The following SHC3 variants were observed in gnomAD, a reference collection of about 807,000 sequenced individuals.
The protein encoded by SHC3 is SHC-transforming protein 3.
In SHC3, 15 loss-of-function variants were observed where a neutral mutation model predicts 60.4. The ratio of observed to expected loss-of-function variants is 0.25; its 90% CI spans 0.17 to 0.38. The LOEUF is 0.38. SHC3 is among the 10% of genes least tolerant of loss of function. SHC3 has a pLI of 1.00. For missense variants in SHC3, 677 were observed against 786.1 expected, an observed-to-expected ratio of 0.86 and a Z score of 1.66; for synonymous variants, 294 against 325.9, an observed-to-expected ratio of 0.90 and a Z score of 1.05.
chr9:89,037,327 G>A (rs759989919), intron 11 of SHC3: 49 of 593,968 alleles, frequency 8.2e-5, no homozygotes, highest in Non-Finnish European at 1.3e-4. Context: ...TGGATAAAAG[G>A]TTTTAAACAA....
At chr9:89,109,694 G>C (rs1825918168) in intron 2 of SHC3, 5 of 985,364 alleles carry the variant, frequency 5.1e-6, no homozygotes, top group Admixed American at 6.1e-5. Flanking sequence ...CCACCCCCAT[G>C]CACTCCAGGT....
intron 5 of SHC3, among the ~76,000 whole-genome samples, chr9:89,069,704 C>T (rs969885672): frequency 3.9e-5 from 6 of 152,250 alleles, no homozygotes; most frequent in Admixed American, 3.3e-4. Context: ...CACGGCAGCT[C>T]GTGCTGGCCC....
At chr9:89,109,075 C>T (rs1444605107) in intron 2 of SHC3, 1 of 985,422 alleles carries the variant, frequency 1.0e-6, no homozygotes, top group Non-Finnish European at 1.2e-6. Flanking sequence ...TGTCCATCTT[C>T]CACTCCACAC....
chr9:89,154,699 G>A (rs1348900817), intron 1 of SHC3, among the ~76,000 whole-genome samples: 5 of 152,112 alleles, frequency 3.3e-5, no homozygotes, highest in South Asian at 2.1e-4. Flanking sequence ...GACCTAGAAC[G>A]CCTTTGTAAA....
At chr9:89,108,647 T>G (rs1431834262) in intron 2 of SHC3, among the ~76,000 whole-genome samples, 1 of 152,216 alleles carries the variant, frequency 6.6e-6, no homozygotes, top group Non-Finnish European at 1.5e-5. Flanking sequence ...AGATTTCTTA[T>G]CAGATCTAAG....
intron 2 of SHC3, among the ~76,000 whole-genome samples, chr9:89,099,341 G>C (rs1825750315): frequency 6.6e-6 from 1 of 152,142 alleles, no homozygotes; most frequent in Non-Finnish European, 1.5e-5. Flanking sequence ...ATAAGTTAAA[G>C]TTATCCTCCA....
intron 2 of SHC3, 94 bp from the exon 3 acceptor site, chr9:89,077,997 C>A: frequency 2.1e-6 from 3 of 1,397,708 alleles, no homozygotes; most frequent in Non-Finnish European, 3.0e-6. Context: ...AAAATAACTG[C>A]CTGTTTATTT....
intron 1 of SHC3, among the ~76,000 whole-genome samples, chr9:89,172,592 GACACACAC>G (rs1266246494): frequency 2.7e-5 from 4 of 146,928 alleles, no homozygotes; most frequent in African/African-American, 1.0e-4. Context: ...CACACACACA[GACACACAC>G]ACACACGATG....
intron 11 of SHC3, among the ~76,000 whole-genome samples, chr9:89,019,507 A>T (rs1356224884): frequency 2.0e-5 from 3 of 152,202 alleles, no homozygotes; most frequent in African/African-American, 7.2e-5. Context: ...CTAGAAGAAA[A>T]CCTGAAAGAA....
At chr9:89,053,235 C>T (rs1824890335) in intron 6 of SHC3, among the ~76,000 whole-genome samples, 1 of 152,164 alleles carries the variant, frequency 6.6e-6, no homozygotes. Flanking sequence ...ATTCTCCTGC[C>T]GACAATCGTA....
At chr9:89,139,158 T>C (rs1826358375) in intron 1 of SHC3, among the ~76,000 whole-genome samples, 1 of 152,216 alleles carries the variant, frequency 6.6e-6, no homozygotes, top group Non-Finnish European at 1.5e-5. Context: ...TTTATCCAGA[T>C]GTTTTTTACA....
intron 2 of SHC3, among the ~76,000 whole-genome samples, chr9:89,108,284 G>A (rs1219407109): frequency 6.6e-6 from 1 of 151,828 alleles, no homozygotes; most frequent in Admixed American, 6.6e-5. Flanking sequence ...AGGCTGAGGT[G>A]AATGGATCAC....
At chr9:89,059,611 CAGGGCGGTGG>C (rs1825034739) in intron 6 of SHC3, among the ~76,000 whole-genome samples, 2 of 50,624 alleles carry the variant, frequency 4.0e-5, no homozygotes, top group Non-Finnish European at 3.8e-5. Context: ...GGACGTGGTG[CAGGGCGGTGG>C]TGGAGGACGT....
chr9:89,055,849 A>G (rs1193868711), intron 6 of SHC3, among the ~76,000 whole-genome samples: 2 of 152,236 alleles, frequency 1.3e-5, no homozygotes, highest in East Asian at 3.8e-4. Flanking sequence ...CTTTCCAACC[A>G]TGCATCCCCA....
chr9:89,155,651 C>T (rs963168670), intron 1 of SHC3, among the ~76,000 whole-genome samples: 10 of 152,196 alleles, frequency 6.6e-5, no homozygotes, highest in Non-Finnish European at 1.0e-4. Context: ...CGACTCTGGC[C>T]TCAGCTCAGC....
At chr9:89,131,605 TAC>T (rs1237220154) in intron 1 of SHC3, among the ~76,000 whole-genome samples, 53 of 152,278 alleles carry the variant, frequency 3.5e-4, no homozygotes, top group Non-Finnish European at 4.4e-5. Flanking sequence ...TGGTACAACA[TAC>T]GCAAATCAAT....
intron 1 of SHC3, among the ~76,000 whole-genome samples, chr9:89,130,292 C>CTAGA (rs1279838563): frequency 6.6e-6 from 1 of 152,058 alleles, no homozygotes. Flanking sequence ...TACAAAGAGA[C>CTAGA]TAGACTCCCA....
intron 1 of SHC3, among the ~76,000 whole-genome samples, chr9:89,177,420 A>C (rs1826956408): frequency 6.6e-6 from 1 of 152,160 alleles, no homozygotes; most frequent in Non-Finnish European, 1.5e-5. Context: ...TGAAAGACAA[A>C]CCCCAAGAAA....
At chr9:89,081,198 A>G (rs1268842718) in intron 2 of SHC3, among the ~76,000 whole-genome samples, 1 of 152,270 alleles carries the variant, frequency 6.6e-6, no homozygotes, top group Non-Finnish European at 1.5e-5. Context: ...TTCACAGTCA[A>G]CAAAGTAATT....
Sources: gnomAD v4.1 joint callset for allele counts (sites outside exome capture counted in the v4.1 genomes callset) on GRCh38, gnomAD v4.1.1 for gene constraint, MANE v1.5 for transcripts, NCBI Gene and HGNC (gene_info 2026-07-23, HGNC 2026-07-21) for gene names.